Variants in NEGR1 observed in about 807,000 individuals in gnomAD.
The protein encoded by NEGR1 is neuronal growth regulator 1, also known as IgLON family member 4.
In NEGR1, 10 loss-of-function variants were observed where a neutral mutation model predicts 40.9. The observed-to-expected ratio is 0.24, with a 90% CI of 0.15 to 0.42. NEGR1 has a LOEUF of 0.42. Ranked by LOEUF, NEGR1 falls within the 10% of genes least tolerant of loss-of-function variation. The pLI, the probability that NEGR1 is intolerant of heterozygous loss-of-function variation, is 1.00. For missense variants in NEGR1, 352 were observed against 438.9 expected, an observed-to-expected ratio of 0.80 and a Z score of 1.77; for synonymous variants, 185 against 166.8, an observed-to-expected ratio of 1.11 and a Z score of -0.84.
intron 6 of NEGR1, among the ~76,000 whole-genome samples, chr1:71,439,513 C>T (rs1646532881): frequency 6.6e-6 from 1 of 152,148 alleles, no homozygotes; most frequent in African/African-American, 2.4e-5. Context: ...CAGGCACATG[C>T]CACTAAACTC....
At chr1:71,827,306 G>T (rs1658664209) in intron 2 of NEGR1, among the ~76,000 whole-genome samples, 1 of 151,696 alleles carries the variant, frequency 6.6e-6, no homozygotes, top group Admixed American at 6.6e-5. Flanking sequence ...ACCATTGATG[G>T]GTAAAATTTG....
At chr1:72,258,754 T>C (rs1655359202) in intron 1 of NEGR1, among the ~76,000 whole-genome samples, 1 of 152,186 alleles carries the variant, frequency 6.6e-6, no homozygotes, top group African/African-American at 2.4e-5. Context: ...AATCTATTTA[T>C]AAATTTTCTA....
chr1:71,713,353 A>G (rs755932311), intron 3 of NEGR1, among the ~76,000 whole-genome samples: 3 of 152,186 alleles, frequency 2.0e-5, no homozygotes, highest in Non-Finnish European at 4.4e-5. Flanking sequence ...AATCCTATAA[A>G]TTAGTTGTTT....
intron 4 of NEGR1, among the ~76,000 whole-genome samples, chr1:71,646,748 A>G (rs1651543222): frequency 6.6e-6 from 1 of 151,832 alleles, no homozygotes; most frequent in Admixed American, 6.6e-5. Flanking sequence ...CAGAGAGAAA[A>G]CTGATCTTTT....
At chr1:72,085,677 A>G (rs1358510322) in intron 1 of NEGR1, among the ~76,000 whole-genome samples, 1 of 152,148 alleles carries the variant, frequency 6.6e-6, no homozygotes, top group Non-Finnish European at 1.5e-5. Context: ...TTTCTTAAGA[A>G]ATGTGATTCC....
intron 2 of NEGR1, among the ~76,000 whole-genome samples, chr1:71,799,466 C>G (rs1053231800): frequency 7.2e-5 from 11 of 152,138 alleles, no homozygotes; most frequent in Non-Finnish European, 1.5e-5. Flanking sequence ...TGGGTTGGTT[C>G]CAAGTCTTTG....
chr1:71,638,294 T>C (rs1484578070), intron 4 of NEGR1, among the ~76,000 whole-genome samples: 1 of 152,094 alleles, frequency 6.6e-6, no homozygotes, highest in Non-Finnish European at 1.5e-5. Flanking sequence ...TTGAGACCTA[T>C]TCATGGGCAG....
chr1:71,851,780 G>A (rs1394614854), intron 2 of NEGR1, among the ~76,000 whole-genome samples: 1 of 151,926 alleles, frequency 6.6e-6, no homozygotes, highest in Non-Finnish European at 1.5e-5. Flanking sequence ...AAATTATGTA[G>A]TATAGTAAAC....
intron 2 of NEGR1, among the ~76,000 whole-genome samples, chr1:71,821,411 T>C (rs892099345): frequency 3.9e-5 from 6 of 152,014 alleles, no homozygotes; most frequent in Admixed American, 3.3e-4. Context: ...CTGCATTTTG[T>C]ACCTCCTAAC....
chr1:72,264,448 T>G lies in NEGR1; in HGVS notation c.176+17871A>C, dbSNP rs529975382. ...TTTGTAATAAATATTTACAATTATA[T>G]CTTGATGCTATTTTAATGGGATTAT... On this transcript the variant is annotated intron_variant, in intron 1 of 6. Transcript: ENST00000357731. Among the ~76,000 whole-genome samples, 225 of 151,128 alleles carry G rather than the reference T, an allele frequency of 1.5e-3. 2 individuals carry two copies. The highest frequency in any genetic ancestry group is 5.3e-3 in the African/African-American group (220 of 41,462).
At chr1:71,952,774 T>C (rs1194935750) in intron 1 of NEGR1, among the ~76,000 whole-genome samples, 1 of 151,984 alleles carries the variant, frequency 6.6e-6, no homozygotes. Flanking sequence ...CTAGTGTAAC[T>C]GATGACTTTA....
intron 1 of NEGR1, among the ~76,000 whole-genome samples, chr1:72,123,056 C>T (rs995232687): frequency 7.9e-5 from 12 of 151,810 alleles, no homozygotes; most frequent in Non-Finnish European, 1.5e-4. Context: ...CTGTTTCATG[C>T]CAGAAATTTT....
chr1:71,725,799 T>A (rs963239770), intron 3 of NEGR1, among the ~76,000 whole-genome samples: 2 of 152,080 alleles, frequency 1.3e-5, no homozygotes, highest in African/African-American at 4.8e-5. Flanking sequence ...TAGTTTCTAG[T>A]TTTTATTTTG....
chr1:71,818,853 G>C (rs1470592725), intron 2 of NEGR1, among the ~76,000 whole-genome samples: 1 of 151,834 alleles, frequency 6.6e-6, no homozygotes, highest in African/African-American at 2.4e-5. Context: ...ATCCATAGGA[G>C]CAAAACAAAA....
intron 2 of NEGR1, among the ~76,000 whole-genome samples, chr1:71,844,550 A>C (rs1449580971): frequency 6.6e-6 from 1 of 152,198 alleles, no homozygotes; most frequent in East Asian, 1.9e-4. Context: ...TATTTGTAGG[A>C]AACTACAATC....
At chr1:71,590,096 G>C (rs1464401352) in intron 6 of NEGR1, among the ~76,000 whole-genome samples, 1 of 151,970 alleles carries the variant, frequency 6.6e-6, no homozygotes, top group Non-Finnish European at 1.5e-5. Flanking sequence ...CCCACACCCA[G>C]GCTCATCCTA....
intron 6 of NEGR1, among the ~76,000 whole-genome samples, chr1:71,587,056 A>C (rs546849247): frequency 1.4e-4 from 22 of 152,120 alleles, no homozygotes; most frequent in African/African-American, 5.3e-4. Flanking sequence ...AACCAAAATG[A>C]AAACCCCATC....
chr1:71,435,062 G>C (rs1383964425), intron 6 of NEGR1, among the ~76,000 whole-genome samples: 1 of 151,972 alleles, frequency 6.6e-6, no homozygotes, highest in African/African-American at 2.4e-5. Flanking sequence ...ATGCACTCCA[G>C]CCTGGGCGAC....
intron 1 of NEGR1, among the ~76,000 whole-genome samples, chr1:72,262,124 T>A (rs995838785): frequency 3.3e-5 from 5 of 152,028 alleles, no homozygotes; most frequent in African/African-American, 1.2e-4. Context: ...CTAGATTGGA[T>A]AACTGGGTGG....
Sources: allele counts gnomAD v4.1 joint callset (sites outside exome capture counted in the v4.1 genomes callset), GRCh38; gene constraint gnomAD v4.1.1; transcripts MANE v1.5; gene names NCBI Gene and HGNC (gene_info 2026-07-23, HGNC 2026-07-21).